CDH13: variants seen among roughly 807,000 people sequenced by gnomAD.
CDH13 encodes the protein cadherin-13.
In CDH13, 24 loss-of-function variants were observed where a neutral mutation model predicts 63.8. The ratio of observed to expected loss-of-function variants is 0.38; its 90% confidence interval spans 0.27 to 0.53. The LOEUF (loss-of-function observed/expected upper bound fraction) is 0.53, where lower values mean the gene tolerates loss of function less well. Among genes scored for constraint, CDH13 ranks in the 20% least tolerant of loss-of-function variants. The pLI, the probability that CDH13 is intolerant of heterozygous loss-of-function variation, is 0.85. For synonymous variants in CDH13, 503 were observed against 355.3 expected, an observed-to-expected ratio of 1.42 and a Z score of -4.67; for missense variants, 1,049 against 903.1, an observed-to-expected ratio of 1.16 and a Z score of -2.07.
intron 6 of CDH13, among the ~76,000 whole-genome samples, chr16:83,402,053 T>C (rs72804367): frequency 0.069 from 10,332 of 150,658 alleles, 506 homozygotes; most frequent in South Asian, 0.13. Flanking sequence ...TTCTTTCTCA[T>C]TGTATACTTC....
intron 1 of CDH13, among the ~76,000 whole-genome samples, chr16:82,842,052 G>A (rs961362257): frequency 5.0e-5 from 7 of 140,784 alleles, no homozygotes; most frequent in African/African-American, 1.9e-4. Context: ...CTCCCTCCCT[G>A]TATTTCTCCC....
intron 13 of CDH13, among the ~76,000 whole-genome samples, chr16:83,793,812 TAAA>T (rs201145847): frequency 7.0e-4 from 99 of 142,254 alleles, no homozygotes; most frequent in Non-Finnish European, 8.3e-4. Flanking sequence ...ACTCTGTCTC[TAAA>T]AAAAAAAAAA....
At chr16:83,717,442 C>T (rs1004523105) in intron 10 of CDH13, among the ~76,000 whole-genome samples, 1 of 152,228 alleles carries the variant, frequency 6.6e-6, no homozygotes, top group African/African-American at 2.4e-5. Context: ...AAGTCCCTGT[C>T]TCCACTTTCT....
rs1300885218 is a variant in CDH13 at position 83,265,439 on chromosome 16, A to T, written c.636+47942A>T. On this transcript the variant is annotated intron_variant, in intron 5 of 13. Coordinates refer to ENST00000567109, the MANE Select transcript of CDH13 (RefSeq NM_001257.5). ...TTTCAATAGATGATGAACTTGGAAG[A>T]TTCATTATCTAATTTTCTTTCAGCT... Among the ~76,000 whole-genome samples the T allele has an allele frequency of 3.3e-5, 5 of 152,260 alleles. 2 individuals carry two copies. The highest frequency in any genetic ancestry group is 3.3e-4 in the Admixed American group (5 of 15,296).
intron 7 of CDH13, among the ~76,000 whole-genome samples, chr16:83,514,624 A>C (rs4614714): frequency 0.021 from 3,136 of 152,282 alleles, 107 homozygotes; most frequent in African/African-American, 0.072. Flanking sequence ...CGGCCTGGGC[A>C]ACAGAGTGAG....
chr16:83,413,965 G>T (rs1034564887), intron 6 of CDH13, among the ~76,000 whole-genome samples: 1 of 151,992 alleles, frequency 6.6e-6, no homozygotes, highest in Admixed American at 6.6e-5. Context: ...CTGTACTCCA[G>T]CCTGGGCAAT....
chr16:83,404,897 T>C (rs2092019230), intron 6 of CDH13, among the ~76,000 whole-genome samples: 1 of 152,244 alleles, frequency 6.6e-6, no homozygotes, highest in Admixed American at 6.5e-5. Context: ...TGTTGCATTT[T>C]ATGGATGAAC....
At chr16:83,045,634 T>TAAAAAAAAAAAAAAAAA (rs71382861) in intron 3 of CDH13, among the ~76,000 whole-genome samples, 12 of 107,918 alleles carry the variant, frequency 1.1e-4, no homozygotes, top group African/African-American at 4.4e-4. Flanking sequence ...AAGATTCCTT[T>TAAAAAAAAAAAAAAAAA]AAAAAAAAAA....
chr16:82,947,327 G>A (rs768323177), intron 2 of CDH13, among the ~76,000 whole-genome samples: 1 of 152,030 alleles, frequency 6.6e-6, no homozygotes, highest in Non-Finnish European at 1.5e-5. Context: ...GACCAAGAGT[G>A]TGTACCCAGG....
intron 6 of CDH13, among the ~76,000 whole-genome samples, chr16:83,453,699 A>G (rs1186779903): frequency 2.0e-5 from 3 of 152,088 alleles, no homozygotes; most frequent in Non-Finnish European, 4.4e-5. Context: ...TATGTGGGCA[A>G]TGTTCTCTGC....
intron 5 of CDH13, among the ~76,000 whole-genome samples, chr16:83,259,349 G>A (rs925225913): frequency 1.3e-5 from 2 of 152,174 alleles, no homozygotes; most frequent in African/African-American, 2.4e-5. Flanking sequence ...GGCACACAGC[G>A]AGTCTTCCAT....
intron 6 of CDH13, among the ~76,000 whole-genome samples, chr16:83,474,161 T>A (rs1041290915): frequency 1.3e-5 from 2 of 152,300 alleles, no homozygotes; most frequent in Non-Finnish European, 2.9e-5. Context: ...TTAGAAGAAC[T>A]ATTTCTGGTG....
At chr16:83,724,750 C>T (rs934010629) in intron 10 of CDH13, among the ~76,000 whole-genome samples, 3 of 152,174 alleles carry the variant, frequency 2.0e-5, no homozygotes, top group South Asian at 2.1e-4. Context: ...GCAGTGTCAG[C>T]GTCAGGAGCA....
intron 7 of CDH13, among the ~76,000 whole-genome samples, chr16:83,552,850 G>C (rs2075532116): frequency 6.6e-6 from 1 of 152,170 alleles, no homozygotes; most frequent in Non-Finnish European, 1.5e-5. Context: ...GGAGGCCAAG[G>C]TCGGCAGATC....
chr16:83,653,945 G>A (rs771472066), intron 8 of CDH13, among the ~76,000 whole-genome samples: 1 of 152,142 alleles, frequency 6.6e-6, no homozygotes, highest in African/African-American at 2.4e-5. Context: ...AGGGGAATAT[G>A]TCCTTGGAGA....
intron 1 of CDH13, among the ~76,000 whole-genome samples, chr16:82,787,930 C>T (rs938399195): frequency 1.4e-5 from 2 of 142,532 alleles, no homozygotes; most frequent in Non-Finnish European, 3.1e-5. Flanking sequence ...CTCACAACTC[C>T]TGGGCTGTAC....
At chr16:83,014,589 C>T (rs188783006) in intron 2 of CDH13, among the ~76,000 whole-genome samples, 3 of 150,104 alleles carry the variant, frequency 2.0e-5, no homozygotes, top group Admixed American at 1.3e-4. Context: ...AAAAATTAGC[C>T]GAGTGGTGGC....
At chr16:83,292,391 G>C (rs2089486045) in intron 5 of CDH13, among the ~76,000 whole-genome samples, 1 of 152,076 alleles carries the variant, frequency 6.6e-6, no homozygotes, top group African/African-American at 2.4e-5. Context: ...GGGACTTTTG[G>C]GGCCTGATGG....
chr16:83,586,427 C>A (rs1906163828), intron 7 of CDH13, among the ~76,000 whole-genome samples: 1 of 152,174 alleles, frequency 6.6e-6, no homozygotes, highest in African/African-American at 2.4e-5. Context: ...AAGGAGCCCT[C>A]CAAGGGCTTG....
Sources: allele counts gnomAD v4.1 joint callset (sites outside exome capture counted in the v4.1 genomes callset), GRCh38; gene constraint gnomAD v4.1.1; transcripts MANE v1.5; gene names NCBI Gene and HGNC (gene_info 2026-07-23, HGNC 2026-07-21).